BMP5: variants seen among roughly 807,000 people sequenced by gnomAD.
BMP5 encodes the protein bone morphogenetic protein 5.
BMP5 carries 23 observed loss-of-function variants against 46.6 expected under a neutral mutation model. The ratio of observed to expected loss-of-function variants is 0.49; its 90% CI spans 0.35 to 0.70. The LOEUF (loss-of-function observed/expected upper bound fraction) is 0.70, where lower values mean the gene tolerates loss of function less well. Among genes scored for constraint, BMP5 ranks in the 30% least tolerant of loss-of-function variants. The pLI, the probability that BMP5 is intolerant of heterozygous loss-of-function variation, is 0.00. For synonymous variants in BMP5, 204 were observed against 191.9 expected (o/e 1.06, Z -0.52); for missense variants, 545 against 565.6 (o/e 0.96, Z 0.37).
intron 1 of BMP5, among the ~76,000 whole-genome samples, chr6:55,840,728 C>A (rs1387641226): frequency 6.6e-6 from 1 of 152,130 alleles, no homozygotes. Context: ...GAGAAATGAG[C>A]CATCATTTAT....
chr6:55,779,574 C>A (rs941298931), intron 3 of BMP5, among the ~76,000 whole-genome samples: 3 of 151,846 alleles, frequency 2.0e-5, no homozygotes, highest in Admixed American at 2.0e-4. Context: ...AATTCACCAC[C>A]CAGCATACAG....
chr6:55,824,881 G>A (rs886621761), intron 1 of BMP5, among the ~76,000 whole-genome samples: 5 of 151,690 alleles, frequency 3.3e-5, no homozygotes, highest in African/African-American at 7.3e-5. Flanking sequence ...CTCTTCTCTC[G>A]TTGTCATTTA....
At chr6:55,820,212 T>C (rs1022831729) in intron 1 of BMP5, among the ~76,000 whole-genome samples, 1 of 152,096 alleles carries the variant, frequency 6.6e-6, no homozygotes, top group African/African-American at 2.4e-5. Context: ...CCTCCAGAGT[T>C]CCAGGTGAAA....
intron 2 of BMP5, among the ~76,000 whole-genome samples, chr6:55,805,294 T>G (rs1775961571): frequency 1.3e-5 from 2 of 152,164 alleles, no homozygotes; most frequent in South Asian, 4.1e-4. Context: ...GTAGGTTTGT[T>G]ACATAGGTAT....
Position 55,754,030 on chromosome 6 carries a change from A to G in BMP5, c.*1503T>C, listed in dbSNP as rs1774518046. 6.6e-6 allele frequency: 1 copy of G among 151,954 alleles called. No homozygotes were observed. The allele number at this position is 151,954 out of a possible 1,614,324, so 9.4% of individuals were successfully genotyped here. The stretch of plus-strand genomic sequence containing the variant: ...TTTCTTTAAGATAAACTGTATTTCA[A>G]AACAACATTTTAATATACCCGAATT... On this transcript the variant is annotated 3_prime_UTR_variant, in exon 7 of 7. Transcript: ENST00000370830.
Position 55,774,180 on chromosome 6 carries a change from GGTT to G in BMP5, c.893_895del (p.Gln298del), listed in dbSNP as rs1452109969. 3.1e-6 allele frequency: 5 copies of G among 1,613,004 alleles called. No homozygotes were observed. Among genetic ancestry groups the G allele is most frequent in the Middle Eastern group, 1.7e-4 (1 of 6,058 alleles). ...CGCCTTGAAGAAGGCCACCATGAAT[GGTT>G]GTTTTGACTGAGGTCCCTGTCTTCC... On this transcript the variant is annotated inframe_deletion, in exon 4 of 7. Transcript: ENST00000370830.
intron 2 of BMP5, among the ~76,000 whole-genome samples, chr6:55,802,342 A>G (rs928999802): frequency 9.9e-5 from 15 of 152,202 alleles, no homozygotes; most frequent in African/African-American, 1.4e-4. Context: ...TGAATCAATG[A>G]TTCTAAATAT....
intron 3 of BMP5, among the ~76,000 whole-genome samples, chr6:55,781,921 A>G (rs1345673109): frequency 6.6e-6 from 1 of 152,058 alleles, no homozygotes; most frequent in Non-Finnish European, 1.5e-5. Flanking sequence ...TGATTTGTAC[A>G]TGAACCTATC....
At chr6:55,780,175 AT>A in intron 3 of BMP5, among the ~76,000 whole-genome samples, 1 of 152,008 alleles carries the variant, frequency 6.6e-6, no homozygotes, top group South Asian at 2.1e-4. Context: ...AAATGTAATA[AT>A]ATGTACAAAC....
intron 1 of BMP5, among the ~76,000 whole-genome samples, chr6:55,853,358 CTCTCTG>C (rs1562071765): frequency 1.4e-5 from 2 of 146,354 alleles, no homozygotes; most frequent in East Asian, 2.2e-4. Context: ...CTCTCTCTCT[CTCTCTG>C]ACTCTCTTTC....
chr6:55,764,790 T>A (rs972547222), intron 4 of BMP5, among the ~76,000 whole-genome samples: 1 of 150,908 alleles, frequency 6.6e-6, no homozygotes, highest in Non-Finnish European at 1.5e-5. Flanking sequence ...CTGGGAATGG[T>A]AGCAGAAAGA....
chr6:55,760,514 T>C lies in BMP5; in HGVS notation c.1047A>G (p.Gln349=). 6.2e-7 allele frequency: 1 copy of C among 1,613,176 alleles called. No individual in the cohort carries two copies. Among genetic ancestry groups the C allele is most frequent in the Non-Finnish European group, 8.5e-7 (1 of 1,179,312 alleles). ...SSVGDYNTSE[Q]KQACKKHELY... Reference sequence around the variant, plus strand: ...GTTCGTGCTTCTTACAGGCTTGTTTTTGCTCACTTGTGTTATAATCTGAAG... The same window carrying C: ...GTTCGTGCTTCTTACAGGCTTGTTTCTGCTCACTTGTGTTATAATCTGAAG... Residue 349 remains glutamine (Q), a synonymous_variant, in exon 5 of 7, where the codon CAA becomes CAG. Transcript: ENST00000370830.
rs562766235 is a variant in BMP5 at position 55,755,832 on chromosome 6, G to A, written c.1216-150C>T. The A allele has an allele frequency of 7.1e-5, 54 of 762,188 alleles. No homozygotes were observed. The African/African-American group carries it at 8.4e-4, about 12-fold the overall frequency. The allele number at this position is 762,188 out of a possible 1,614,324, so 47.2% of individuals were successfully genotyped here. ...CATTTATTCCATGACTGGGGTGGGGGACTGAAGGATGTATTCTTAAGCATT... is the reference window on the plus strand; with the variant it reads ...CATTTATTCCATGACTGGGGTGGGGAACTGAAGGATGTATTCTTAAGCATT... On this transcript the variant is annotated intron_variant, in intron 6 of 6. Transcript: ENST00000370830.
At chr6:55,854,228 G>A (rs1020112097) in intron 1 of BMP5, among the ~76,000 whole-genome samples, 2 of 152,028 alleles carry the variant, frequency 1.3e-5, no homozygotes, top group Admixed American at 6.6e-5. Context: ...ATTTTATCAA[G>A]TAGGAGTGAA....
intron 2 of BMP5, among the ~76,000 whole-genome samples, chr6:55,810,288 G>A (rs1320332962): frequency 6.6e-6 from 1 of 152,106 alleles, no homozygotes; most frequent in African/African-American, 2.4e-5. Flanking sequence ...AGGTACAGAT[G>A]AAAACTGGTA....
intron 1 of BMP5, among the ~76,000 whole-genome samples, chr6:55,869,731 G>A (rs966665922): frequency 1.3e-5 from 2 of 152,152 alleles, no homozygotes; most frequent in South Asian, 2.1e-4. Flanking sequence ...AGAAGAATGG[G>A]ATGATGGAGA....
rs760428531 is a variant in BMP5, at chr6:55,760,437, A to C, written c.1104+20T>G. The C allele has an allele frequency of 6.2e-7, 1 of 1,609,000 alleles. No individual in the cohort carries two copies. ...TGATAATTCAGAAAAGAAGCACCAA[A>C]GTTGACTGAAAATTCCTACCTGCCA... On this transcript the variant is annotated intron_variant, in intron 5 of 6. Coordinates refer to ENST00000370830, the MANE Select transcript of BMP5 (RefSeq NM_021073.4).
chr6:55,804,479 C>T (rs1775939401), intron 2 of BMP5, among the ~76,000 whole-genome samples: 1 of 152,144 alleles, frequency 6.6e-6, no homozygotes, highest in Non-Finnish European at 1.5e-5. Flanking sequence ...AAAACAACTT[C>T]CTATTGTATT....
At chr6:55,809,147 A>T (rs1776062121) in intron 2 of BMP5, among the ~76,000 whole-genome samples, 1 of 152,196 alleles carries the variant, frequency 6.6e-6, no homozygotes. Flanking sequence ...TATTCTCTAA[A>T]TGAAAATTAA....
Sources: allele counts gnomAD v4.1 joint callset (sites outside exome capture counted in the v4.1 genomes callset), GRCh38; gene constraint gnomAD v4.1.1; transcripts MANE v1.5; gene names NCBI Gene and HGNC (gene_info 2026-07-23, HGNC 2026-07-21).